Variants in CAP2 observed in about 807,000 individuals in gnomAD.
CAP2 encodes cyclase associated actin cytoskeleton regulatory protein 2, also known as adenylyl cyclase-associated protein 2.
CAP2 carries 24 observed loss-of-function variants against 57.7 expected under a neutral mutation model. The ratio of observed to expected loss-of-function variants is 0.42; its 90% CI spans 0.30 to 0.58. The LOEUF is 0.58. CAP2 is among the 20% of genes least tolerant of loss of function. The pLI is 0.22. For synonymous variants in CAP2, 194 were observed against 207.2 expected (o/e 0.94, Z 0.55); for missense variants, 501 against 590.3 (o/e 0.85, Z 1.57).
rs1763329989 is a variant in CAP2, at chr6:17,557,031, C to T, written c.*589C>T. On this transcript the variant is annotated 3_prime_UTR_variant, in exon 13 of 13. Coordinates refer to ENST00000229922, the MANE Select transcript of CAP2 (RefSeq NM_006366.3). ...ATTCAGTTCCTTGGTCCTTGGAAGA[C>T]CTATATTCTCTGTAGTTACTGAAAA... is the stretch of plus-strand genomic sequence containing the variant. 1 of 152,140 alleles carries T rather than the reference C, an allele frequency of 6.6e-6. No individual in the cohort carries two copies. The highest frequency in any genetic ancestry group is 2.1e-4 in the South Asian group (1 of 4,826). 9.4% of individuals were successfully genotyped at this position (152,140 alleles called of 1,614,324 possible).
intron 4 of CAP2, among the ~76,000 whole-genome samples, chr6:17,495,711 T>C (rs1313082311): frequency 6.6e-6 from 1 of 152,138 alleles, no homozygotes; most frequent in Non-Finnish European, 1.5e-5. Context: ...TGAAAGTTCA[T>C]TGGCCGTGAG....
intron 3 of CAP2, among the ~76,000 whole-genome samples, chr6:17,441,672 A>G (rs544145692): frequency 6.8e-5 from 10 of 147,076 alleles, no homozygotes; most frequent in East Asian, 6.1e-4. Flanking sequence ...TTTAGTAGAG[A>G]CAGCGTTTCA....
intron 7 of CAP2, among the ~76,000 whole-genome samples, chr6:17,533,123 A>G (rs1407449548): frequency 6.7e-6 from 1 of 150,286 alleles, no homozygotes; most frequent in East Asian, 1.9e-4. Context: ...TTTCCCTTTC[A>G]TAATAAAATC....
At chr6:17,455,248 A>G (rs908177991) in intron 3 of CAP2, among the ~76,000 whole-genome samples, 5 of 151,372 alleles carry the variant, frequency 3.3e-5, no homozygotes, top group African/African-American at 1.2e-4. Context: ...TTTAACTGGT[A>G]TATGACCTTC....
rs1431720126 is a variant in CAP2 at position 17,526,232 on chromosome 6, C to T, written c.636+12278C>T. On this transcript the variant is annotated intron_variant, in intron 7 of 12. Coordinates refer to ENST00000229922, the MANE Select transcript of CAP2 (RefSeq NM_006366.3). ...TCCCGGGTTCAAGCTATTCTCCTGC[C>T]TCAGCCTCAAGAGCGGCTGGGATTA... 3.9e-5 allele frequency among the ~76,000 whole-genome samples: 6 copies of T among 152,088 alleles called. No homozygotes were observed. In the East Asian group the frequency reaches 1.2e-3, roughly 29 times the overall value.
At chr6:17,470,652 T>C (rs1038805053) in intron 4 of CAP2, among the ~76,000 whole-genome samples, 7 of 152,206 alleles carry the variant, frequency 4.6e-5, no homozygotes, top group Non-Finnish European at 7.3e-5. Flanking sequence ...CTATGTCACC[T>C]CACCTTCATT....
chr6:17,524,893 C>CTTTT (rs11325666), intron 7 of CAP2, among the ~76,000 whole-genome samples: 59 of 109,520 alleles, frequency 5.4e-4, no homozygotes, highest in South Asian at 9.7e-4. Flanking sequence ...CTTTTCTTTT[C>CTTTT]TTTTTTTTTT....
chr6:17,486,765 G>C (rs148953473), intron 4 of CAP2, among the ~76,000 whole-genome samples: 2 of 152,176 alleles, frequency 1.3e-5, no homozygotes, highest in Non-Finnish European at 2.9e-5. Context: ...CACTGTTACT[G>C]TAATCCAAAG....
intron 4 of CAP2, among the ~76,000 whole-genome samples, chr6:17,494,863 C>T (rs1761626705): frequency 6.6e-6 from 1 of 152,176 alleles, no homozygotes; most frequent in Non-Finnish European, 1.5e-5. Context: ...CTGAATAGAA[C>T]AAAAGTCTGA....
intron 3 of CAP2, among the ~76,000 whole-genome samples, chr6:17,430,285 T>C (rs528718202): frequency 6.6e-6 from 1 of 152,330 alleles, no homozygotes; most frequent in Non-Finnish European, 1.5e-5. Context: ...TTGTAAAGCC[T>C]TCTTGTGTGC....
At chr6:17,481,272 T>G (rs1761281162) in intron 4 of CAP2, among the ~76,000 whole-genome samples, 1 of 152,218 alleles carries the variant, frequency 6.6e-6, no homozygotes, top group Non-Finnish European at 1.5e-5. Flanking sequence ...TCTTTTAATT[T>G]CTGTGGTTTT....
At chr6:17,473,844 G>A (rs555298488) in intron 4 of CAP2, among the ~76,000 whole-genome samples, 4 of 152,308 alleles carry the variant, frequency 2.6e-5, no homozygotes, top group East Asian at 3.9e-4. Context: ...GTGAGGGCTC[G>A]ATTGAAGCTT....
intron 4 of CAP2, among the ~76,000 whole-genome samples, chr6:17,472,333 C>CAAAA (rs752046741): frequency 9.8e-6 from 1 of 102,336 alleles, no homozygotes; most frequent in Non-Finnish European, 2.2e-5. Flanking sequence ...GACTCCGTCT[C>CAAAA]AAAAAAAAAA....
chr6:17,515,579 CA>C (rs1239565817), intron 7 of CAP2, among the ~76,000 whole-genome samples: 1 of 152,102 alleles, frequency 6.6e-6, no homozygotes, highest in Non-Finnish European at 1.5e-5. Flanking sequence ...ACCCACGTAA[CA>C]AACCTGCACA....
chr6:17,465,687 C>A (rs1760845300), intron 4 of CAP2, among the ~76,000 whole-genome samples: 1 of 152,176 alleles, frequency 6.6e-6, no homozygotes, highest in African/African-American at 2.4e-5. Flanking sequence ...CAGAAAAGAC[C>A]TGAAGTTTAT....
At position 17,535,267 on chromosome 6, in the gene CAP2, CTAA is replaced by C. The variant is rs554889105; in HGVS notation, c.637-4000_637-3998del. On this transcript the variant is annotated intron_variant, in intron 7 of 12. Transcript: ENST00000229922. ...TAGCCCAGACCTTCCTTTAATTTGG[CTAA>C]TGACTTTTTTTTTTTTTTTTTGAGA... 2.4e-3 allele frequency among the ~76,000 whole-genome samples: 366 copies of C among 150,676 alleles called. 1 individual carries two copies. Among genetic ancestry groups the C allele is most frequent in the Admixed American group, 4.3e-3 (65 of 15,154 alleles).
chr6:17,458,089 G>A (rs145923722), intron 3 of CAP2, among the ~76,000 whole-genome samples: 59 of 152,308 alleles, frequency 3.9e-4, no homozygotes, highest in African/African-American at 1.1e-3. Flanking sequence ...ATTAGAGACC[G>A]ACAAAAGTCC....
At chr6:17,462,217 C>T (rs938063104) in intron 3 of CAP2, among the ~76,000 whole-genome samples, 3 of 151,728 alleles carry the variant, frequency 2.0e-5, no homozygotes, top group Non-Finnish European at 4.4e-5. Flanking sequence ...TCTCCTGGGC[C>T]CATCTTAATG....
At chr6:17,528,470 G>A (rs1762562285) in intron 7 of CAP2, among the ~76,000 whole-genome samples, 1 of 152,000 alleles carries the variant, frequency 6.6e-6, no homozygotes, top group South Asian at 2.1e-4. Flanking sequence ...TTTTTTTCAT[G>A]TACTGCCAAA....
Sources: gnomAD v4.1 joint callset for allele counts (sites outside exome capture counted in the v4.1 genomes callset) on GRCh38, gnomAD v4.1.1 for gene constraint, MANE v1.5 for transcripts, NCBI Gene and HGNC (gene_info 2026-07-23, HGNC 2026-07-21) for gene names.